NRXN3: variants seen among roughly 807,000 people sequenced by gnomAD.
NRXN3 encodes neurexin III.
NRXN3 carries 32 observed loss-of-function variants against 137.6 expected under a neutral mutation model. The observed-to-expected ratio is 0.23, with a 90% CI of 0.18 to 0.31. The LOEUF (loss-of-function observed/expected upper bound fraction) is 0.31. Ranked by LOEUF, NRXN3 falls within the 10% of genes least tolerant of loss-of-function variation. The probability of loss-of-function intolerance (pLI) is 1.00; values close to 1 mark genes in which losing one functional copy is unlikely to be tolerated. For synonymous variants in NRXN3, 798 were observed against 784.5 expected (o/e 1.02, Z -0.29); for missense variants, 1,574 against 2,062.5 (o/e 0.76, Z 4.59).
intron 16 of NRXN3, among the ~76,000 whole-genome samples, chr14:79,644,128 T>C (rs962564497): frequency 7.5e-6 from 1 of 132,468 alleles, no homozygotes; most frequent in African/African-American, 2.5e-5. Context: ...TTTGGGACAA[T>C]TACCCTTGAG....
At chr14:79,123,478 T>C (rs2055846642) in intron 15 of NRXN3, among the ~76,000 whole-genome samples, 1 of 152,166 alleles carries the variant, frequency 6.6e-6, no homozygotes, top group African/African-American at 2.4e-5. Flanking sequence ...AAATAGGACC[T>C]AAAATGCATC....
chr14:78,924,272 T>A (rs2099278943), intron 10 of NRXN3, among the ~76,000 whole-genome samples: 1 of 152,154 alleles, frequency 6.6e-6, no homozygotes, highest in Non-Finnish European at 1.5e-5. Flanking sequence ...TTAATACGTG[T>A]GAGTATAGTA....
intron 4 of NRXN3, among the ~76,000 whole-genome samples, chr14:78,471,795 G>C (rs182943621): frequency 6.6e-6 from 1 of 152,338 alleles, no homozygotes; most frequent in African/African-American, 2.4e-5. Flanking sequence ...TATGCACAGA[G>C]AGGGTGAAAC....
intron 15 of NRXN3, among the ~76,000 whole-genome samples, chr14:79,315,067 C>T (rs4899739): frequency 0.96 from 145,825 of 152,286 alleles, 69,876 homozygotes; most frequent in East Asian, 1. Context: ...CCGTGAGTTA[C>T]GATGGAATTC....
chr14:78,627,521 G>C (rs1462268633), intron 4 of NRXN3, among the ~76,000 whole-genome samples: 1 of 152,182 alleles, frequency 6.6e-6, no homozygotes, highest in Non-Finnish European at 1.5e-5. Context: ...CAGTGACTCT[G>C]GGACGTTGAT....
intron 4 of NRXN3, among the ~76,000 whole-genome samples, chr14:78,472,622 A>G (rs1392996968): frequency 2.0e-5 from 3 of 152,236 alleles, no homozygotes; most frequent in Non-Finnish European, 2.9e-5. Flanking sequence ...TGTCATGCAC[A>G]TGGAGGTAGT....
chr14:78,699,497 A>AATT (rs1179939349), intron 6 of NRXN3, among the ~76,000 whole-genome samples: 2 of 152,238 alleles, frequency 1.3e-5, no homozygotes, highest in Non-Finnish European at 2.9e-5. Context: ...CAGACATGTT[A>AATT]ATAGTGAGAC....
intron 4 of NRXN3, among the ~76,000 whole-genome samples, chr14:78,418,011 C>T (rs779949765): frequency 1.4e-4 from 21 of 152,184 alleles, no homozygotes; most frequent in Non-Finnish European, 2.5e-4. Context: ...CCCATCTCAG[C>T]CTCCCAAAGT....
chr14:79,186,714 C>T (rs1188192459), intron 15 of NRXN3, among the ~76,000 whole-genome samples: 1 of 152,146 alleles, frequency 6.6e-6, no homozygotes, highest in Non-Finnish European at 1.5e-5. Context: ...GGCAGGGTCA[C>T]TCACTTCTGC....
intron 15 of NRXN3, among the ~76,000 whole-genome samples, chr14:79,097,288 G>A (rs2050523482): frequency 6.6e-6 from 1 of 152,102 alleles, no homozygotes; most frequent in Non-Finnish European, 1.5e-5. Flanking sequence ...CCAGTTTTGA[G>A]AAAAGCTAGC....
chr14:78,417,810 G>A (rs935567489), intron 4 of NRXN3, among the ~76,000 whole-genome samples: 1 of 152,196 alleles, frequency 6.6e-6, no homozygotes. Context: ...AGGCTGGAGT[G>A]CAATGGCACG....
intron 19 of NRXN3, among the ~76,000 whole-genome samples, chr14:79,710,370 CTATT>C (rs942673399): frequency 9.2e-5 from 14 of 152,220 alleles, no homozygotes; most frequent in African/African-American, 3.4e-4. Flanking sequence ...TAATAAAAAT[CTATT>C]TATGTGTTGT....
chr14:79,564,544 T>C (rs1187806320), intron 16 of NRXN3, among the ~76,000 whole-genome samples: 1 of 152,156 alleles, frequency 6.6e-6, no homozygotes. Flanking sequence ...CCGCACACTT[T>C]ATCTGGACCT....
intron 16 of NRXN3, among the ~76,000 whole-genome samples, chr14:79,504,668 T>C (rs1255103847): frequency 1.4e-5 from 2 of 143,466 alleles, no homozygotes; most frequent in Non-Finnish European, 3.0e-5. Flanking sequence ...TATATATATA[T>C]ATATATAAAA....
intron 19 of NRXN3, among the ~76,000 whole-genome samples, chr14:79,749,788 T>TTA (rs2098991521): frequency 6.6e-6 from 1 of 151,924 alleles, no homozygotes; most frequent in African/African-American, 2.4e-5. Flanking sequence ...CATTTTTTTT[T>TTA]ATTGCATGTC....
At chr14:79,244,831 A>C (rs528118965) in intron 15 of NRXN3, among the ~76,000 whole-genome samples, 1 of 152,268 alleles carries the variant, frequency 6.6e-6, no homozygotes, top group Admixed American at 6.5e-5. Flanking sequence ...ACTCATTTGT[A>C]TGTATCTTTT....
At chr14:79,645,269 A>G (rs997110748) in intron 16 of NRXN3, among the ~76,000 whole-genome samples, 1 of 135,134 alleles carries the variant, frequency 7.4e-6, no homozygotes, top group South Asian at 2.3e-4. Flanking sequence ...CCCAGCTTCC[A>G]CACTTCTTGA....
At chr14:79,634,154 TGTG>T (rs1195309169) in intron 16 of NRXN3, among the ~76,000 whole-genome samples, 1 of 152,196 alleles carries the variant, frequency 6.6e-6, no homozygotes, top group African/African-American at 2.4e-5. Flanking sequence ...TAAAACATGT[TGTG>T]GTCAAGTTCA....
chr14:79,522,373 T>A (rs143730299), intron 16 of NRXN3, among the ~76,000 whole-genome samples: 2 of 152,240 alleles, frequency 1.3e-5, no homozygotes, highest in African/African-American at 4.8e-5. Context: ...AGCTTTCTCT[T>A]CCAAGGAGCC....
Sources: allele counts gnomAD v4.1 joint callset (sites outside exome capture counted in the v4.1 genomes callset), GRCh38; gene constraint gnomAD v4.1.1; transcripts MANE v1.5; gene names NCBI Gene and HGNC (gene_info 2026-07-23, HGNC 2026-07-21).